The following CSMD1 variants were observed in gnomAD, a reference collection of about 807,000 sequenced individuals.
CSMD1 encodes the protein CUB and sushi domain-containing protein 1.
A neutral mutation model predicts 417.5 loss-of-function variants in CSMD1; 213 were observed. The observed-to-expected ratio is 0.51, with a 90% CI of 0.46 to 0.57. The LOEUF is 0.57. CSMD1 is among the 20% of genes least tolerant of loss of function. The probability of loss-of-function intolerance (pLI) is 0.00; values close to 1 mark genes in which losing one functional copy is unlikely to be tolerated. For synonymous variants in CSMD1, 2,862 were observed against 1,736.8 expected, an observed-to-expected ratio of 1.65 and a Z score of -16.11; for missense variants, 6,923 against 4,529.7, an observed-to-expected ratio of 1.53 and a Z score of -15.17.
chr8:3,303,024 C>G (rs752070510), intron 25 of CSMD1, among the ~76,000 whole-genome samples: 3 of 152,196 alleles, frequency 2.0e-5, no homozygotes, highest in Non-Finnish European at 2.9e-5. Context: ...TAGGGAAAAA[C>G]TGTAGACTTC....
chr8:3,629,463 T>G (rs772501290), intron 7 of CSMD1, among the ~76,000 whole-genome samples: 1 of 152,166 alleles, frequency 6.6e-6, no homozygotes, highest in South Asian at 2.1e-4. Context: ...ATTGGGAAAA[T>G]TTAATGACAT....
chr8:3,097,596 T>C (rs73183521), intron 46 of CSMD1, among the ~76,000 whole-genome samples: 3,370 of 152,308 alleles, frequency 0.022, 75 homozygotes, highest in South Asian at 0.045. Context: ...GGGATTCATG[T>C]CCTGGGTGAG....
intron 5 of CSMD1, among the ~76,000 whole-genome samples, chr8:3,826,621 G>C (rs1802069648): frequency 6.6e-6 from 1 of 152,106 alleles, no homozygotes; most frequent in Non-Finnish European, 1.5e-5. Flanking sequence ...CCGTTCTGCT[G>C]AGTATTACAT....
chr8:4,444,126 C>T (rs1798642104), intron 2 of CSMD1, among the ~76,000 whole-genome samples: 1 of 151,792 alleles, frequency 6.6e-6, no homozygotes, highest in South Asian at 2.1e-4. Context: ...TCGATCACTT[C>T]AGGTCAGAAA....
At chr8:4,142,245 A>G (rs947918052) in intron 3 of CSMD1, among the ~76,000 whole-genome samples, 14 of 151,204 alleles carry the variant, frequency 9.3e-5, no homozygotes, top group Non-Finnish European at 1.8e-4. Flanking sequence ...TTAATTTACT[A>G]ATACAACAGG....
chr8:4,828,631 C>G lies in CSMD1; in HGVS notation c.85+165701G>C, dbSNP rs545020039. ...TCATCTGGAATCCCTTTCTTTAAAACTGAGAACGTTACTCGGCATGGGGTT... is the reference window on the plus strand; with the variant it reads ...TCATCTGGAATCCCTTTCTTTAAAAGTGAGAACGTTACTCGGCATGGGGTT... On this transcript the variant is annotated intron_variant, in intron 1 of 69. Transcript: ENST00000635120. Among the ~76,000 whole-genome samples the G allele has an allele frequency of 3.3e-5, 5 of 152,266 alleles. No homozygotes were observed. The East Asian group carries it at 9.6e-4, about 29-fold the overall frequency.
chr8:3,570,166 G>C (rs923350443), intron 10 of CSMD1, among the ~76,000 whole-genome samples: 2 of 152,190 alleles, frequency 1.3e-5, no homozygotes, highest in African/African-American at 4.8e-5. Flanking sequence ...TACATCATGA[G>C]TTTTAATGGA....
rs577152231 is a variant in CSMD1 at position 4,154,046 on chromosome 8, G to C, written c.416-121947C>G. Among the ~76,000 whole-genome samples, 8 of 152,224 alleles carry C rather than the reference G, an allele frequency of 5.3e-5. No homozygotes were observed. The East Asian group carries it at 1.5e-3, about 29-fold the overall frequency. On this transcript the variant is annotated intron_variant, in intron 3 of 69. Transcript: ENST00000635120. Reference sequence around the variant, plus strand: ...GTATTTTCAGCTTGCTGCCACATTTGTTTTCCTAAGGAGGTAATAAATAAA... The same window carrying C: ...GTATTTTCAGCTTGCTGCCACATTTCTTTTCCTAAGGAGGTAATAAATAAA...
intron 3 of CSMD1, among the ~76,000 whole-genome samples, chr8:4,171,253 G>A (rs374575691): frequency 6.6e-6 from 1 of 151,864 alleles, no homozygotes; most frequent in African/African-American, 2.4e-5. Context: ...TGTCCATGCA[G>A]TTTTCCTAAC....
chr8:3,947,827 C>A (rs564045045), intron 5 of CSMD1, among the ~76,000 whole-genome samples: 2 of 152,240 alleles, frequency 1.3e-5, no homozygotes, highest in South Asian at 4.2e-4. Flanking sequence ...TCAAGTAGGT[C>A]ACATTTGTTA....
At chr8:3,761,829 A>G (rs1199285345) in intron 5 of CSMD1, among the ~76,000 whole-genome samples, 1 of 151,932 alleles carries the variant, frequency 6.6e-6, no homozygotes, top group Admixed American at 6.6e-5. Flanking sequence ...TCTACAAGTC[A>G]TTTCTTCCAC....
Position 3,181,103 on chromosome 8 carries a change from A to G in CSMD1, c.5725+7T>C. ...TGGAAGCTGTATACAGAAAGAGTTG[A>G]CCTTACTTTTGTATTCCAGGTGGAA... On this transcript the variant is annotated splice_region_variant and intron_variant, in intron 37 of 69. Transcript: ENST00000635120. 1.3e-6 allele frequency: 2 copies of G among 1,587,782 alleles called. No individual in the cohort carries two copies. The highest frequency in any genetic ancestry group is 1.7e-6 in the Non-Finnish European group (2 of 1,156,556).
At chr8:4,416,253 A>C (rs576675752) in intron 3 of CSMD1, among the ~76,000 whole-genome samples, 8 of 152,124 alleles carry the variant, frequency 5.3e-5, no homozygotes, top group Non-Finnish European at 1.0e-4. Context: ...CAAAACTTCT[A>C]TTTTCCGAAA....
At chr8:4,811,576 C>T (rs964572549) in intron 1 of CSMD1, among the ~76,000 whole-genome samples, 1 of 152,164 alleles carries the variant, frequency 6.6e-6, no homozygotes, top group South Asian at 2.1e-4. Flanking sequence ...ACATGTGAGG[C>T]TCATCCTTTG....
chr8:3,316,555 T>C (rs1805777201), intron 23 of CSMD1, among the ~76,000 whole-genome samples: 1 of 152,126 alleles, frequency 6.6e-6, no homozygotes, highest in Admixed American at 6.5e-5. Flanking sequence ...TGAGCAGGTC[T>C]AGGGGCCTCC....
chr8:3,326,500 T>G (rs1806542274), intron 23 of CSMD1, among the ~76,000 whole-genome samples: 1 of 152,242 alleles, frequency 6.6e-6, no homozygotes, highest in Non-Finnish European at 1.5e-5. Flanking sequence ...TGCCCTCTCC[T>G]GAATGTTGTC....
chr8:4,297,611 G>C (rs563319162), intron 3 of CSMD1, among the ~76,000 whole-genome samples: 1 of 152,058 alleles, frequency 6.6e-6, no homozygotes, highest in Non-Finnish European at 1.5e-5. Context: ...GGCTAAGATA[G>C]CCTGAAATTG....
At chr8:3,843,791 G>T (rs1411683882) in intron 5 of CSMD1, among the ~76,000 whole-genome samples, 1 of 152,148 alleles carries the variant, frequency 6.6e-6, no homozygotes, top group East Asian at 1.9e-4. Context: ...TGCAAAATGT[G>T]CATGAAAGTA....
intron 3 of CSMD1, among the ~76,000 whole-genome samples, chr8:4,198,069 C>G (rs1285914828): frequency 6.6e-6 from 1 of 152,198 alleles, no homozygotes; most frequent in East Asian, 1.9e-4. Context: ...ATTATCAAAG[C>G]GCAAAGCGAG....
Sources: gnomAD v4.1 joint callset for allele counts (sites outside exome capture counted in the v4.1 genomes callset) on GRCh38, gnomAD v4.1.1 for gene constraint, MANE v1.5 for transcripts, NCBI Gene and HGNC (gene_info 2026-07-23, HGNC 2026-07-21) for gene names.